TMEM117: variants seen among roughly 807,000 people sequenced by gnomAD.
The protein encoded by TMEM117 is transmembrane protein 117.
TMEM117 carries 27 observed loss-of-function variants against 52.4 expected under a neutral mutation model. That is an observed-to-expected ratio of 0.51 (90% CI 0.38 to 0.71). The LOEUF (loss-of-function observed/expected upper bound fraction) is 0.71, where lower values mean the gene tolerates loss of function less well. TMEM117 is among the 30% of genes least tolerant of loss of function. The pLI, the probability that TMEM117 is intolerant of heterozygous loss-of-function variation, is 0.00. For missense variants in TMEM117, 556 were observed against 630.5 expected, an observed-to-expected ratio of 0.88 and a Z score of 1.26; for synonymous variants, 215 against 206.3, an observed-to-expected ratio of 1.04 and a Z score of -0.36.
intron 2 of TMEM117, among the ~76,000 whole-genome samples, chr12:43,943,278 C>T (rs1945076184): frequency 6.8e-6 from 1 of 146,878 alleles, no homozygotes; most frequent in Non-Finnish European, 1.5e-5. Context: ...CATTATTATT[C>T]TTAGGAAAGG....
At chr12:44,018,713 T>G (rs1398591272) in intron 3 of TMEM117, among the ~76,000 whole-genome samples, 3 of 151,348 alleles carry the variant, frequency 2.0e-5, no homozygotes, top group Non-Finnish European at 4.4e-5. Flanking sequence ...TTTTCTTTTT[T>G]TCTTTTTCTT....
intron 3 of TMEM117, among the ~76,000 whole-genome samples, chr12:44,056,297 T>C (rs1193523082): frequency 6.6e-6 from 1 of 152,164 alleles, no homozygotes; most frequent in Non-Finnish European, 1.5e-5. Context: ...CTTTTTGTAA[T>C]GTGCCACTGA....
At chr12:44,009,233 G>T in intron 3 of TMEM117, 1 of 279,310 alleles carries the variant, frequency 3.6e-6, no homozygotes, top group South Asian at 3.7e-5. Context: ...ATTCTGGTCT[G>T]TTTTGATATT....
chr12:44,114,340 T>C (rs2138115101), intron 3 of TMEM117, among the ~76,000 whole-genome samples: 1 of 152,276 alleles, frequency 6.6e-6, no homozygotes, highest in South Asian at 2.1e-4. Flanking sequence ...CAAAAATGAG[T>C]GAATGGCTAT....
chr12:44,355,318 T>G (rs2138792071), intron 6 of TMEM117, among the ~76,000 whole-genome samples: 1 of 152,226 alleles, frequency 6.6e-6, no homozygotes, highest in East Asian at 1.9e-4. Context: ...GTCTGAGAGA[T>G]AGCATTAATT....
At chr12:44,225,447 A>C (rs2138436675) in intron 5 of TMEM117, among the ~76,000 whole-genome samples, 1 of 152,312 alleles carries the variant, frequency 6.6e-6, no homozygotes, top group East Asian at 1.9e-4. Flanking sequence ...CCAAGGTTGA[A>C]ACTATCAAAG....
intron 6 of TMEM117, among the ~76,000 whole-genome samples, chr12:44,320,714 A>T (rs1951118987): frequency 6.6e-6 from 1 of 152,206 alleles, no homozygotes; most frequent in South Asian, 2.1e-4. Flanking sequence ...CTCTCTGTGA[A>T]GTCTCATCTG....
chr12:44,081,635 TGA>T (rs1947482998), intron 3 of TMEM117, among the ~76,000 whole-genome samples: 1 of 152,158 alleles, frequency 6.6e-6, no homozygotes, highest in African/African-American at 2.4e-5. Context: ...TCTTAAGTTC[TGA>T]GTTTGAAGCT....
intron 6 of TMEM117, among the ~76,000 whole-genome samples, chr12:44,361,687 A>G (rs1951722994): frequency 6.6e-6 from 1 of 152,188 alleles, no homozygotes; most frequent in Non-Finnish European, 1.5e-5. Context: ...TTAATACATA[A>G]ATGTGAAGTT....
At chr12:43,855,713 C>T (rs1051106955) in intron 2 of TMEM117, among the ~76,000 whole-genome samples, 3 of 152,226 alleles carry the variant, frequency 2.0e-5, no homozygotes, top group African/African-American at 7.2e-5. Flanking sequence ...GGATATCTCC[C>T]ATACAATACC....
chr12:44,125,636 A>C (rs1353831267), intron 3 of TMEM117, among the ~76,000 whole-genome samples: 4 of 151,924 alleles, frequency 2.6e-5, no homozygotes, highest in African/African-American at 9.7e-5. Context: ...CTAGTGGTCT[A>C]TCTGTTTTAT....
intron 3 of TMEM117, among the ~76,000 whole-genome samples, chr12:44,052,930 A>G (rs1003302223): frequency 2.0e-5 from 3 of 152,134 alleles, no homozygotes; most frequent in Non-Finnish European, 4.4e-5. Flanking sequence ...CCTGCCCCCA[A>G]GGAATACCAC....
At chr12:44,373,884 C>A (rs927215624) in intron 6 of TMEM117, among the ~76,000 whole-genome samples, 1 of 138,718 alleles carries the variant, frequency 7.2e-6, no homozygotes, top group African/African-American at 2.7e-5. Context: ...CGGGTTCAAG[C>A]AATTCTCCTG....
chr12:44,170,463 T>TA (rs992833136), intron 4 of TMEM117, among the ~76,000 whole-genome samples: 1 of 152,062 alleles, frequency 6.6e-6, no homozygotes, highest in African/African-American at 2.4e-5. Flanking sequence ...TTTTTTAAAT[T>TA]AAAAAAAATC....
rs987706490 is a variant in TMEM117, at chr12:44,211,967, G to A, written c.608+580G>A. Among the ~76,000 whole-genome samples, 7 of 152,306 alleles carry A rather than the reference G, an allele frequency of 4.6e-5. 1 individual carries two copies. The highest frequency in any genetic ancestry group is 1.7e-4 in the African/African-American group (7 of 41,574). On this transcript the variant is annotated intron_variant, in intron 5 of 7. Coordinates refer to ENST00000266534, the MANE Select transcript of TMEM117 (RefSeq NM_032256.3). ...TAGGAATGGAGAGGCAGCAAGAAGG[G>A]CACTTTCACGTGGCTGTGGGACACT...
At chr12:44,020,746 A>G (rs1441246369) in intron 3 of TMEM117, among the ~76,000 whole-genome samples, 2 of 152,196 alleles carry the variant, frequency 1.3e-5, no homozygotes, top group African/African-American at 4.8e-5. Flanking sequence ...GTTTGCCAGA[A>G]ATAGCTAGCA....
intron 3 of TMEM117, among the ~76,000 whole-genome samples, chr12:44,086,339 G>A (rs930345640): frequency 6.8e-6 from 1 of 147,302 alleles, no homozygotes; most frequent in Non-Finnish European, 1.5e-5. Context: ...TCAGCTTCCT[G>A]AGTAAGTGTG....
the TMEM117 span, chr12:43,806,361 G>C: frequency 1.6e-6 from 2 of 1,244,310 alleles, no homozygotes; most frequent in East Asian, 3.6e-5. Context: ...CCCGCGACCC[G>C]CGGCCGCCCC....
At chr12:43,928,855 T>C (rs1241952519) in intron 2 of TMEM117, among the ~76,000 whole-genome samples, 1 of 151,664 alleles carries the variant, frequency 6.6e-6, no homozygotes, top group African/African-American at 2.4e-5. Context: ...TTTGGTTTTT[T>C]GTTCTTGCGA....
Sources: gnomAD v4.1 joint callset for allele counts (sites outside exome capture counted in the v4.1 genomes callset) on GRCh38, gnomAD v4.1.1 for gene constraint, MANE v1.5 for transcripts, NCBI Gene and HGNC (gene_info 2026-07-23, HGNC 2026-07-21) for gene names.